The following MESD variants were observed in gnomAD, a reference collection of about 807,000 sequenced individuals.
The protein encoded by MESD is mesoderm development LRP chaperone.
MESD carries 7 observed loss-of-function variants against 12.9 expected under a neutral mutation model. The ratio of observed to expected loss-of-function variants is 0.54; its 90% CI spans 0.31 to 1.02. The LOEUF (loss-of-function observed/expected upper bound fraction) is 1.02. MESD is among the 50% of genes least tolerant of loss of function. The pLI is 0.05. For synonymous variants in MESD, 126 were observed against 115.6 expected (o/e 1.09, Z -0.58); for missense variants, 342 against 296.7 (o/e 1.15, Z -1.12).
intron 3 of MESD, among the ~76,000 whole-genome samples, chr15:80,959,077 T>C (rs530165056): frequency 6.6e-6 from 1 of 152,286 alleles, no homozygotes; most frequent in South Asian, 2.1e-4. Context: ...CTTGGGGAGA[T>C]TGCGGAGATT....
At chr15:80,988,953 T>C (rs1173274904) in intron 1 of MESD, among the ~76,000 whole-genome samples, 1 of 152,184 alleles carries the variant, frequency 6.6e-6, no homozygotes, top group Non-Finnish European at 1.5e-5. Context: ...ACCAGAAAAC[T>C]TACTCTCCTT....
chr15:80,969,744 A>C (rs1902246856), intron 3 of MESD, among the ~76,000 whole-genome samples: 1 of 152,128 alleles, frequency 6.6e-6, no homozygotes. Flanking sequence ...AATCCCAGCT[A>C]CTCAGGAGTC....
At chr15:80,971,466 AG>A, downstream of MESD, among the ~76,000 whole-genome samples, 2 of 152,296 alleles carry the variant, frequency 1.3e-5, no homozygotes, top group East Asian at 3.9e-4. Context: ...TCAGTTAATA[AG>A]AATCCCCCTG....
At position 80,982,200 on chromosome 15, in the gene MESD, A is replaced by T. The variant is rs758035942; in HGVS notation, c.214-18T>A. 3.7e-6 allele frequency: 6 copies of T among 1,604,080 alleles called. No individual in the cohort carries two copies. The South Asian group carries it at 6.6e-5, about 18-fold the overall frequency. On this transcript the variant is annotated intron_variant, in intron 1 of 2. Transcript: ENST00000261758. ...TCATCTTTCTATCAGATTAGGGGAAAAGCATCAAACCTATCATCAGAATCT... is the reference window on the plus strand; with the variant it reads ...TCATCTTTCTATCAGATTAGGGGAATAGCATCAAACCTATCATCAGAATCT...
chr15:80,979,211 C>T lies in MESD; in HGVS notation c.*8G>A. On this transcript the variant is annotated 3_prime_UTR_variant, in exon 3 of 3. Transcript: ENST00000261758. ...CCTGTCCCCCCACAGCGCGTCACTG[C>T]TGCCCCATCACAGGTCTTCTCTTTT... 1 of 1,611,840 alleles carries T rather than the reference C, an allele frequency of 6.2e-7. No homozygotes were observed. Among genetic ancestry groups the T allele is most frequent in the South Asian group, 1.1e-5 (1 of 90,816 alleles).
rs1021282486 is a variant in MESD, at chr15:80,979,248, G to C, written c.676C>G (p.Arg226Gly). ...LKSRSSKEEN[R>G]AGNKREDL Reference sequence around the variant, plus strand: ...AGGTCTTCTCTTTTATTCCCAGCTCGATTTTCTTCCTTGGAAGACCGAGAT... The same window carrying C: ...AGGTCTTCTCTTTTATTCCCAGCTCCATTTTCTTCCTTGGAAGACCGAGAT... Residue 226 changes from arginine to glycine, a missense_variant, in exon 3 of 3, where the codon CGA (arginine) becomes GGA (glycine). Coordinates refer to ENST00000261758, the MANE Select transcript of MESD (RefSeq NM_015154.3). The C allele has an allele frequency of 3.1e-6, 5 of 1,613,546 alleles. No homozygotes were observed. In the Admixed American group the frequency reaches 5.0e-5, roughly 16 times the overall value.
intron 4 of MESD, chr15:80,949,059 C>T (rs1003023292): frequency 3.3e-6 from 4 of 1,197,362 alleles, no homozygotes; most frequent in South Asian, 1.2e-5. Context: ...CCCTGATGGG[C>T]CAAGGGAAGG....
In MESD at chr15:80,978,919, T is replaced by C. The variant is rs373401966; in HGVS notation, c.*300A>G. On this transcript the variant is annotated 3_prime_UTR_variant, in exon 3 of 3. Coordinates refer to ENST00000261758, the MANE Select transcript of MESD (RefSeq NM_015154.3). ...GGAGGGGAGTGGAATCTCAGTAGAG[T>C]TGATGACTCACCAAGTGTAAATGGG... 7.4e-4 allele frequency: 309 copies of C among 419,430 alleles called. 3 individuals carry two copies. The highest frequency in any genetic ancestry group is 6.7e-3 in the South Asian group (211 of 31,372). 26.0% of individuals were successfully genotyped at this position (419,430 alleles called of 1,614,324 possible).
intron 3 of MESD, among the ~76,000 whole-genome samples, chr15:80,969,956 T>C (rs917513828): frequency 1.3e-5 from 2 of 152,146 alleles, no homozygotes; most frequent in Admixed American, 6.5e-5. Context: ...GTGTGCAAAA[T>C]GGGGATGACA....
exon 5 of MESD, chr15:80,948,450 C>T (rs1298924736): frequency 2.7e-6 from 1 of 370,906 alleles, no homozygotes; most frequent in Non-Finnish European, 5.2e-6. Context: ...GGGGCAGGGA[C>T]TTGCTGGTTG....
intron 1 of MESD, among the ~76,000 whole-genome samples, chr15:80,984,579 C>T (rs1902678707): frequency 6.6e-6 from 1 of 152,106 alleles, no homozygotes; most frequent in South Asian, 2.1e-4. Context: ...TAAGCGATTG[C>T]CCGGGGCTGG....
chr15:80,956,312 G>A (rs1197735731), intron 3 of MESD, among the ~76,000 whole-genome samples: 1 of 152,328 alleles, frequency 6.6e-6, no homozygotes, highest in African/African-American at 2.4e-5. Context: ...AGAGCTCTGG[G>A]CTAAGAATCG....
intron 3 of MESD, among the ~76,000 whole-genome samples, chr15:80,968,717 A>G (rs1902225462): frequency 6.6e-6 from 1 of 152,226 alleles, no homozygotes; most frequent in African/African-American, 2.4e-5. Context: ...TCCTTATAAT[A>G]CTTCTCTGAA....
chr15:80,958,795 T>C lies in MESD; in HGVS notation c.*289-6499A>G, dbSNP rs141429153. ...TCAGGTTGGGAGCAGGATTGTCTTT[T>C]CAAGGTCCTTGATGTGTCAGTTTAT... On this transcript the variant is annotated intron_variant, in intron 3 of 4. Transcript: ENST00000561312. Among the ~76,000 whole-genome samples, 11 of 152,344 alleles carry C rather than the reference T, an allele frequency of 7.2e-5. No homozygotes were observed. In the East Asian group the frequency reaches 1.7e-3, roughly 24 times the overall value.
At chr15:80,985,707 G>A (rs1483158501) in intron 1 of MESD, among the ~76,000 whole-genome samples, 4 of 134,874 alleles carry the variant, frequency 3.0e-5, no homozygotes, top group Non-Finnish European at 3.0e-5. Flanking sequence ...ATGCAATGGT[G>A]CTGGTGCAAT....
At chr15:80,954,750 C>A (rs1901930769) in intron 3 of MESD, among the ~76,000 whole-genome samples, 1 of 152,248 alleles carries the variant, frequency 6.6e-6, no homozygotes, top group Admixed American at 6.5e-5. Flanking sequence ...GCTCGTCTAA[C>A]CCACCGCCAG....
At chr15:80,964,726 T>C (rs1362180231) in intron 3 of MESD, among the ~76,000 whole-genome samples, 2 of 152,228 alleles carry the variant, frequency 1.3e-5, no homozygotes, top group Non-Finnish European at 2.9e-5. Flanking sequence ...ATTTAATAAA[T>C]GGTGCTGGGA....
intron 3 of MESD, among the ~76,000 whole-genome samples, chr15:80,967,605 G>C (rs1304407352): frequency 6.6e-6 from 1 of 152,180 alleles, no homozygotes; most frequent in South Asian, 2.1e-4. Flanking sequence ...GTGTTTCTAG[G>C]CCTATGGCTG....
intron 1 of MESD, among the ~76,000 whole-genome samples, chr15:80,983,247 GA>G (rs11316947): frequency 0.16 from 20,534 of 131,338 alleles, 1,406 homozygotes; most frequent in Middle Eastern, 0.21. Context: ...TGTCTTAAAA[GA>G]AAAAAAAAAA....
Sources: gnomAD v4.1 joint callset for allele counts (sites outside exome capture counted in the v4.1 genomes callset) on GRCh38, gnomAD v4.1.1 for gene constraint, MANE v1.5 for transcripts, NCBI Gene and HGNC (gene_info 2026-07-23, HGNC 2026-07-21) for gene names.